ATP11B: variants seen among roughly 807,000 people sequenced by gnomAD.
The protein encoded by ATP11B is phospholipid-transporting ATPase IF.
In ATP11B, 81 loss-of-function variants were observed where a neutral mutation model predicts 157.8. That is an observed-to-expected ratio of 0.51 (90% confidence interval 0.43 to 0.62). ATP11B has a LOEUF of 0.62. Ranked by LOEUF, ATP11B falls within the 20% of genes least tolerant of loss-of-function variation. The probability of loss-of-function intolerance (pLI) is 0.00; values close to 1 mark genes in which losing one functional copy is unlikely to be tolerated. For synonymous variants in ATP11B, 451 were observed against 469.4 expected (o/e 0.96, Z 0.51); for missense variants, 1,165 against 1,402.2 (o/e 0.83, Z 2.70).
chr3:182,903,228 TG>T (rs1348420966), intron 28 of ATP11B, among the ~76,000 whole-genome samples: 2 of 152,176 alleles, frequency 1.3e-5, no homozygotes, highest in Non-Finnish European at 2.9e-5. Context: ...AAGTATGGTT[TG>T]AAGGGGAAAA....
At chr3:182,846,522 G>C (rs1719545516) in intron 9 of ATP11B, among the ~76,000 whole-genome samples, 1 of 152,088 alleles carries the variant, frequency 6.6e-6, no homozygotes, top group Non-Finnish European at 1.5e-5. Context: ...ACTTCTACAA[G>C]AATGTTCATA....
At chr3:182,861,320 C>T (rs1016145130) in intron 12 of ATP11B, among the ~76,000 whole-genome samples, 4 of 152,166 alleles carry the variant, frequency 2.6e-5, no homozygotes, top group Non-Finnish European at 5.9e-5. Context: ...CCACCTTGGC[C>T]TCCCAAAGTG....
intron 25 of ATP11B, among the ~76,000 whole-genome samples, chr3:182,895,825 G>A (rs1018431300): frequency 2.6e-5 from 4 of 152,126 alleles, no homozygotes; most frequent in African/African-American, 9.7e-5. Context: ...CCCATGATGA[G>A]GCAGTTCTGA....
At chr3:182,803,409 A>G (rs1002474153) in intron 1 of ATP11B, among the ~76,000 whole-genome samples, 2 of 152,180 alleles carry the variant, frequency 1.3e-5, no homozygotes, top group East Asian at 1.9e-4. Context: ...CTGGATGCCA[A>G]TTCTTTGTTG....
intron 12 of ATP11B, among the ~76,000 whole-genome samples, chr3:182,864,347 C>T (rs192445566): frequency 2.0e-5 from 3 of 152,226 alleles, no homozygotes; most frequent in African/African-American, 7.2e-5. Flanking sequence ...AGGAAGACAG[C>T]ATTCAGTCTC....
At chr3:182,890,167 G>A (rs550242176) in intron 25 of ATP11B, among the ~76,000 whole-genome samples, 22 of 152,146 alleles carry the variant, frequency 1.4e-4, no homozygotes, top group Non-Finnish European at 8.8e-5. Flanking sequence ...TGATTGGAGT[G>A]CTCATGTTGA....
Position 182,793,775 on chromosome 3 carries a change from C to T in ATP11B, c.16C>T (p.Arg6Trp). Reference sequence around the variant, plus strand: ...CGACGGGGGAATGTGGCGCTGGATCCGGCAGCAGCTGGTAGGTGCCCCCGC... The same window carrying T: ...CGACGGGGGAATGTGGCGCTGGATCTGGCAGCAGCTGGTAGGTGCCCCCGC... The part of the protein sequence containing the change: MWRWI[R>W]QQLGFDPPHQ... Residue 6 changes from arginine to tryptophan, a missense_variant, in exon 1 of 30, where the codon CGG becomes TGG. Coordinates refer to ENST00000323116, the MANE Select transcript of ATP11B (RefSeq NM_014616.3). The T allele has an allele frequency of 7.1e-7, 1 of 1,403,388 alleles. No homozygotes were observed. The allele number at this position is 1,403,388 out of a possible 1,614,324, so 86.9% of individuals were successfully genotyped here.
At position 182,857,953 on chromosome 3, in the gene ATP11B, T is replaced by C. The variant is rs748185652; in HGVS notation, c.927T>C (p.Tyr309=). The C allele has an allele frequency of 5.0e-6, 8 of 1,609,526 alleles. No individual in the cohort carries two copies. The highest frequency in any genetic ancestry group is 6.8e-6 in the Non-Finnish European group (8 of 1,176,012). The change falls in exon 11 of 30, where the codon TAT becomes TAC. Residue 309 remains tyrosine (Y), a synonymous_variant. Coordinates refer to ENST00000323116, the MANE Select transcript of ATP11B (RefSeq NM_014616.3). Reference sequence around the variant, plus strand: ...CTGTCATCAGCACTATCTTGAAGTATACATGGCAAGCTGAAGAAAAATGGG... The same window carrying C: ...CTGTCATCAGCACTATCTTGAAGTACACATGGCAAGCTGAAGAAAAATGGG... ...SEAVISTILK[Y]TWQAEEKWDE... is the part of the protein sequence containing the mutation.
intron 7 of ATP11B, 120 bp downstream of exon 7, chr3:182,837,294 G>A: frequency 3.1e-6 from 2 of 647,584 alleles, no homozygotes; most frequent in Non-Finnish European, 2.5e-6. Flanking sequence ...GGGGTGGGTT[G>A]GTGGGAGATG....
intron 10 of ATP11B, among the ~76,000 whole-genome samples, chr3:182,851,014 C>T (rs1259404806): frequency 6.6e-6 from 1 of 152,162 alleles, no homozygotes; most frequent in Non-Finnish European, 1.5e-5. Context: ...CAGAAAGACA[C>T]TTCATTAGTG....
intron 1 of ATP11B, among the ~76,000 whole-genome samples, chr3:182,812,901 C>G (rs1203340730): frequency 6.6e-6 from 1 of 152,168 alleles, no homozygotes; most frequent in Non-Finnish European, 1.5e-5. Context: ...CCCCTGGCAA[C>G]CACTTTCTGC....
At chr3:182,847,319 G>A (rs1330892751) in intron 9 of ATP11B, among the ~76,000 whole-genome samples, 2 of 152,130 alleles carry the variant, frequency 1.3e-5, no homozygotes, top group Admixed American at 6.5e-5. Context: ...GATTACAGGC[G>A]TGAGCCACTG....
At chr3:182,799,926 A>G (rs1715880050) in intron 1 of ATP11B, among the ~76,000 whole-genome samples, 1 of 152,116 alleles carries the variant, frequency 6.6e-6, no homozygotes, top group Non-Finnish European at 1.5e-5. Context: ...AGATTGGGCA[A>G]CATAGTGAGA....
chr3:182,867,558 T>C, intron 15 of ATP11B, 114 bp downstream of exon 15: 1 of 490,044 alleles, frequency 2.0e-6, no homozygotes, highest in Non-Finnish European at 3.6e-6. Flanking sequence ...TCTGTTTTTC[T>C]ACAGCCCACA....
At chr3:182,848,684 G>A (rs932384226) in intron 10 of ATP11B, 127 bp downstream of exon 10, 19 of 357,676 alleles carry the variant, frequency 5.3e-5, no homozygotes, top group Admixed American at 1.6e-4. Flanking sequence ...GACAGTGATA[G>A]TTTCTTATAT....
intron 29 of ATP11B, chr3:182,915,301 A>G (rs1248036022): frequency 1.0e-6 from 1 of 985,250 alleles, no homozygotes; most frequent in Admixed American, 6.1e-5. Flanking sequence ...TTATAACGTG[A>G]TCTGAAATAT....
chr3:182,897,351 TG>T lies in ATP11B; in HGVS notation c.3101del (p.Gly1034AspfsTer43). On this transcript the variant is annotated frameshift_variant, in exon 27 of 30. Coordinates refer to ENST00000323116, the MANE Select transcript of ATP11B (RefSeq NM_014616.3). LOFTEE classifies it high-confidence loss of function. ...GACTTGGATCAACCATCTCGTTACC[TG>T]GGGATCTATTATATTTTATTTTGTA... ...FWTWINHLVTWGSIIFYFVFS... is the reference protein window; with the variant it reads ...FWTWINHLVTXGSIIFYFVFS... 6.3e-7 allele frequency: 1 copy of T among 1,591,586 alleles called. No individual in the cohort carries two copies. Among genetic ancestry groups the T allele is most frequent in the South Asian group, 1.2e-5 (1 of 85,694 alleles).
chr3:182,850,361 T>G (rs906625023), intron 10 of ATP11B, among the ~76,000 whole-genome samples: 2 of 152,058 alleles, frequency 1.3e-5, no homozygotes, highest in Non-Finnish European at 2.9e-5. Context: ...TAGTCCCAGC[T>G]ACTCAGGAGG....
chr3:182,906,576 A>G (rs1724368089), intron 28 of ATP11B, among the ~76,000 whole-genome samples: 2 of 151,738 alleles, frequency 1.3e-5, no homozygotes, highest in Non-Finnish European at 2.9e-5. Flanking sequence ...CCTCTCCCCC[A>G]GTAGCTGGAA....
Sources: gnomAD v4.1 joint callset for allele counts (sites outside exome capture counted in the v4.1 genomes callset) on GRCh38, gnomAD v4.1.1 for gene constraint, MANE v1.5 for transcripts, NCBI Gene and HGNC (gene_info 2026-07-23, HGNC 2026-07-21) for gene names.